Variants in TRAPPC3L observed in about 807,000 individuals in gnomAD.
The protein encoded by TRAPPC3L is trafficking protein particle complex subunit 3L, also known as trafficking protein particle complex subunit 3-like protein.
TRAPPC3L carries 23 observed loss-of-function variants against 23.7 expected under a neutral mutation model. The observed-to-expected ratio is 0.97, with a 90% confidence interval of 0.70 to 1.37. The LOEUF is 1.37. Ranked by LOEUF, TRAPPC3L falls within the 40% of genes most tolerant of loss-of-function variation. The pLI, the probability that TRAPPC3L is intolerant of heterozygous loss-of-function variation, is 0.00. For missense variants in TRAPPC3L, 212 were observed against 216.8 expected, an observed-to-expected ratio of 0.98 and a Z score of 0.14; for synonymous variants, 81 against 77.9, an observed-to-expected ratio of 1.04 and a Z score of -0.21.
chr6:116,498,896 T>C (rs2806720), intron 4 of TRAPPC3L, among the ~76,000 whole-genome samples: 148,502 of 152,260 alleles, frequency 0.98, 72,438 homozygotes, highest in East Asian at 1. Flanking sequence ...TTGCTTCCTA[T>C]GGTTCTGTTA....
intron 3 of TRAPPC3L, chr6:116,519,515 C>T (rs904566346): frequency 2.0e-5 from 3 of 152,184 alleles, no homozygotes; most frequent in African/African-American, 7.2e-5. Context: ...ATTTGAATAT[C>T]TAGAGAGGGC....
chr6:116,515,879 A>G, intron 3 of TRAPPC3L: 1 of 1,613,920 alleles, frequency 6.2e-7, no homozygotes, highest in East Asian at 2.2e-5. Context: ...TTTCCACCAA[A>G]GCCAGCAACA....
intron 3 of TRAPPC3L, among the ~76,000 whole-genome samples, chr6:116,503,640 C>T (rs1411937697): frequency 6.6e-6 from 1 of 152,134 alleles, no homozygotes; most frequent in Non-Finnish European, 1.5e-5. Context: ...CCCTCTTCAG[C>T]AAATGTAAAA....
intron 2 of TRAPPC3L, among the ~76,000 whole-genome samples, chr6:116,542,374 A>ATGAGAGT (rs1773518278): frequency 6.6e-6 from 1 of 152,164 alleles, no homozygotes; most frequent in African/African-American, 2.4e-5. Flanking sequence ...AAGAAGAAAA[A>ATGAGAGT]TGAGAGTTTT....
At chr6:116,497,235 G>A (rs190912881) in intron 4 of TRAPPC3L, 162 bp from the exon 5 acceptor site, 14 of 839,946 alleles carry the variant, frequency 1.7e-5, no homozygotes, top group Middle Eastern at 3.7e-4. Context: ...TCCGGAGATG[G>A]TCCAGCTGTG....
chr6:116,536,853 A>G (rs1300738284), intron 3 of TRAPPC3L, among the ~76,000 whole-genome samples: 1 of 152,162 alleles, frequency 6.6e-6, no homozygotes, highest in Non-Finnish European at 1.5e-5. Context: ...TTCTCTGTAA[A>G]ACTGACTGTA....
intron 3 of TRAPPC3L, among the ~76,000 whole-genome samples, chr6:116,534,068 C>G (rs992149575): frequency 6.6e-6 from 1 of 152,018 alleles, no homozygotes; most frequent in Non-Finnish European, 1.5e-5. Context: ...AAGGATTCCT[C>G]CTTTGGGTAC....
At position 116,538,742 on chromosome 6, in the gene TRAPPC3L, T is replaced by C. The variant is rs1347123163; in HGVS notation, c.240+1621A>G. On this transcript the variant is annotated intron_variant, in intron 3 of 4. Coordinates refer to ENST00000368602, the MANE Select transcript of TRAPPC3L (RefSeq NM_001139444.3). Reference sequence around the variant, plus strand: ...GTCTTAAATCTTTCTTTCTTTTTTTTTTTTTTTGAAACAGGGTCTTGCTCT... The same window carrying C: ...GTCTTAAATCTTTCTTTCTTTTTTTCTTTTTTTGAAACAGGGTCTTGCTCT... 2.0e-5 allele frequency among the ~76,000 whole-genome samples: 3 copies of C among 152,130 alleles called. No individual in the cohort carries two copies. In the East Asian group the frequency reaches 5.8e-4, roughly 29 times the overall value.
intron 3 of TRAPPC3L, chr6:116,524,523 G>A (rs1370156101): frequency 6.6e-6 from 1 of 152,206 alleles, no homozygotes; most frequent in Admixed American, 6.5e-5. Context: ...TGAGTGTATT[G>A]TAAGCATTAC....
chr6:116,529,535 T>A (rs150073750), intron 3 of TRAPPC3L, among the ~76,000 whole-genome samples: 1 of 152,274 alleles, frequency 6.6e-6, no homozygotes, highest in East Asian at 1.9e-4. Flanking sequence ...GTAAAGTAGA[T>A]TGGAGCTGAG....
chr6:116,512,064 CT>C, intron 3 of TRAPPC3L: 1 of 1,614,030 alleles, frequency 6.2e-7, no homozygotes, highest in East Asian at 2.2e-5. Context: ...CTCAATGGAA[CT>C]TTCTATGAAT....
chr6:116,500,626 G>A lies in TRAPPC3L; in HGVS notation c.281C>T (p.Thr94Ile), dbSNP rs1372437431. ...KMYLGITPSV[T>I]CNNSSKNEFS... ...TTCATTTTTGCTTGAATTGTTACAG[G>A]TCACACTTGGTGTAATTCCCAGGTA... The change falls in exon 4 of 5, where the codon ACC becomes ATC. Residue 94 changes from threonine to isoleucine, a missense_variant. Transcript: ENST00000368602. 5 of 1,551,412 alleles carry A rather than the reference G, an allele frequency of 3.2e-6. No homozygotes were observed. The Admixed American group carries it at 5.9e-5, about 18-fold the overall frequency.
intron 1 of TRAPPC3L, among the ~76,000 whole-genome samples, chr6:116,545,122 C>T (rs9374610): frequency 0.66 from 99,392 of 150,040 alleles, 33,185 homozygotes; most frequent in East Asian, 0.89. Flanking sequence ...TATATACATA[C>T]ATACATATAT....
intron 4 of TRAPPC3L, 66 bp downstream of exon 4, chr6:116,500,415 T>A (rs1023970171): frequency 1.5e-6 from 2 of 1,368,400 alleles, no homozygotes; most frequent in Admixed American, 5.1e-5. Flanking sequence ...TGTATATTGG[T>A]TATCTTATTT....
intron 3 of TRAPPC3L, chr6:116,520,133 A>C (rs1430002326): frequency 2.0e-5 from 3 of 152,194 alleles, no homozygotes; most frequent in Non-Finnish European, 4.4e-5. Flanking sequence ...ATTTAATGAG[A>C]AAACGATGAC....
intron 3 of TRAPPC3L, chr6:116,523,524 C>T (rs762816696): frequency 4.6e-5 from 7 of 152,046 alleles, no homozygotes; most frequent in African/African-American, 1.7e-4. Flanking sequence ...ATTTTGCAAC[C>T]TTTGATGACA....
At chr6:116,505,764 A>G (rs1396105981) in intron 3 of TRAPPC3L, among the ~76,000 whole-genome samples, 2 of 152,180 alleles carry the variant, frequency 1.3e-5, no homozygotes, top group African/African-American at 2.4e-5. Flanking sequence ...AACAAGAAAT[A>G]GGGAAAGGAT....
At chr6:116,543,022 T>A (rs1488617040) in intron 2 of TRAPPC3L, among the ~76,000 whole-genome samples, 1 of 152,186 alleles carries the variant, frequency 6.6e-6, no homozygotes. Flanking sequence ...TTTTACCACA[T>A]CTTTTGCTTA....
intron 4 of TRAPPC3L, 21 bp from the exon 5 acceptor site, chr6:116,497,094 A>C: frequency 1.3e-6 from 2 of 1,513,046 alleles, no homozygotes; most frequent in Non-Finnish European, 1.8e-6. Flanking sequence ...AGAAAAAAAC[A>C]GGCCTGTGTC....
Sources: gnomAD v4.1 joint callset for allele counts (sites outside exome capture counted in the v4.1 genomes callset) on GRCh38, gnomAD v4.1.1 for gene constraint, MANE v1.5 for transcripts, NCBI Gene and HGNC (gene_info 2026-07-23, HGNC 2026-07-21) for gene names.